Variants in PYHIN1 observed in about 807,000 individuals in gnomAD.
PYHIN1 encodes pyrin and HIN domain family member 1, also known as pyrin and HIN domain-containing protein 1.
A neutral mutation model predicts 43.7 loss-of-function variants in PYHIN1; 32 were observed. The observed-to-expected ratio is 0.73, with a 90% CI of 0.55 to 0.98. PYHIN1 has a LOEUF of 0.98. PYHIN1 is among the 50% of genes least tolerant of loss of function. PYHIN1 has a pLI of 0.00. For missense variants in PYHIN1, 588 were observed against 589.5 expected, an observed-to-expected ratio of 1.00 and a Z score of 0.03; for synonymous variants, 205 against 203.1, an observed-to-expected ratio of 1.01 and a Z score of -0.08.
intron 1 of PYHIN1, among the ~76,000 whole-genome samples, 171 bp from the exon 2 acceptor site, chr1:158,936,720 A>T (rs1011127329): frequency 1.3e-5 from 2 of 152,224 alleles, no homozygotes. Flanking sequence ...GCTATCTATG[A>T]CAAACCCACA....
chr1:158,950,587 C>T (rs1649473387), intron 7 of PYHIN1, among the ~76,000 whole-genome samples: 1 of 152,204 alleles, frequency 6.6e-6, no homozygotes, highest in South Asian at 2.1e-4. Flanking sequence ...TGACATCTTT[C>T]CATAAAACTG....
At chr1:158,935,172 C>G (rs1444271154) in intron 1 of PYHIN1, among the ~76,000 whole-genome samples, 1 of 151,352 alleles carries the variant, frequency 6.6e-6, no homozygotes, top group Non-Finnish European at 1.5e-5. Context: ...GAGAGGCAGT[C>G]AGATAGAGGA....
chr1:158,936,252 G>A (rs920903626), intron 1 of PYHIN1, among the ~76,000 whole-genome samples: 6 of 118,000 alleles, frequency 5.1e-5, no homozygotes, highest in South Asian at 2.7e-4. Flanking sequence ...GATGTTCCCC[G>A]TCCTGTGTCC....
chr1:158,982,751 A>G, the PYHIN1 span, among the ~76,000 whole-genome samples: 1 of 151,990 alleles, frequency 6.6e-6, no homozygotes, highest in African/African-American at 2.4e-5. Flanking sequence ...TTTTAACAAT[A>G]TTGATTCTTC....
intron 2 of PYHIN1, 46 bp from the exon 3 acceptor site, chr1:158,938,351 C>G (rs753247820): frequency 1.2e-6 from 2 of 1,604,260 alleles, no homozygotes; most frequent in African/African-American, 1.3e-5. Context: ...CGGGTGTCCC[C>G]GATCATCTGC....
chr1:158,989,561 T>A, the PYHIN1 span, among the ~76,000 whole-genome samples: 1 of 152,156 alleles, frequency 6.6e-6, no homozygotes, highest in African/African-American at 2.4e-5. Context: ...TATTTACAAG[T>A]GGAACATCAT....
chr1:158,965,537 CA>C (rs1376466666), intron 7 of PYHIN1, among the ~76,000 whole-genome samples: 1 of 152,020 alleles, frequency 6.6e-6, no homozygotes, highest in African/African-American at 2.4e-5. Flanking sequence ...AGAATCATAC[CA>C]ACCACCTTCT....
chr1:158,938,502 G>C lies in PYHIN1; in HGVS notation c.371G>C (p.Arg124Pro), dbSNP rs757825470. The C allele has an allele frequency of 1.2e-6, 2 of 1,614,038 alleles. No homozygotes were observed. The highest frequency in any genetic ancestry group is 1.7e-5 in the Admixed American group (1 of 59,996). ...PATPACTPSNRLTAKGAEETL... is the reference protein window; with the variant it reads ...PATPACTPSNPLTAKGAEETL... ...ACACCTGCATGCACCCCAAGCAACC[G>C]TCTCACAGCTAAAGGAGCAGAGGAG... is the stretch of plus-strand genomic sequence containing the variant. Residue 124 changes from arginine (R) to proline (P), a missense_variant, in exon 3 of 9, where the codon CGT becomes CCT. Arg to Pro is a moderately radical substitution (Grantham distance 103, BLOSUM62 -2). Coordinates refer to ENST00000368140, the MANE Select transcript of PYHIN1 (RefSeq NM_152501.5).
downstream of PYHIN1, chr1:158,977,157 A>G (rs1651325312): frequency 6.6e-6 from 1 of 152,416 alleles, no homozygotes; most frequent in African/African-American, 2.4e-5. Flanking sequence ...TATAGTTTGG[A>G]TGGGATCTTT....
chr1:158,934,020 T>C (rs778183144), intron 1 of PYHIN1, among the ~76,000 whole-genome samples: 4 of 152,168 alleles, frequency 2.6e-5, no homozygotes, highest in Non-Finnish European at 4.4e-5. Context: ...TATGTTTAAA[T>C]ATCACTTTGT....
At chr1:158,958,461 A>T (rs1231035752) in intron 7 of PYHIN1, among the ~76,000 whole-genome samples, 9 of 149,014 alleles carry the variant, frequency 6.0e-5, no homozygotes, top group African/African-American at 2.2e-4. Flanking sequence ...TTGTAGGGAC[A>T]TGGATGAAAT....
intron 8 of PYHIN1, among the ~76,000 whole-genome samples, chr1:158,974,906 A>G (rs1056711680): frequency 1.2e-4 from 19 of 152,090 alleles, no homozygotes; most frequent in African/African-American, 3.9e-4. Flanking sequence ...ACATCCCAGG[A>G]CAACATTCTG....
intron 2 of PYHIN1, 44 bp downstream of exon 2, chr1:158,937,219 C>G: frequency 6.6e-7 from 1 of 1,517,518 alleles, no homozygotes; most frequent in Non-Finnish European, 8.8e-7. Context: ...ATGATCCCCA[C>G]CCTTCCCAAC....
At chr1:158,940,085 G>T (rs967044715) in intron 4 of PYHIN1, 2 of 152,858 alleles carry the variant, frequency 1.3e-5, no homozygotes, top group Admixed American at 1.3e-4. Context: ...AATTAGCTGG[G>T]TATGGTGGCT....
intron 7 of PYHIN1, among the ~76,000 whole-genome samples, chr1:158,962,574 CA>C (rs1650384892): frequency 6.6e-6 from 1 of 152,182 alleles, no homozygotes; most frequent in African/African-American, 2.4e-5. Flanking sequence ...GCATTTGTCT[CA>C]GGAGAAAATC....
At chr1:158,952,101 T>C (rs1237963102) in intron 7 of PYHIN1, among the ~76,000 whole-genome samples, 3 of 144,242 alleles carry the variant, frequency 2.1e-5, no homozygotes, top group Non-Finnish European at 4.5e-5. Flanking sequence ...CGCTTTTGCC[T>C]GTGTCGGTTT....
intron 4 of PYHIN1, chr1:158,939,723 T>C: frequency 1.7e-6 from 1 of 582,070 alleles, no homozygotes; most frequent in Non-Finnish European, 3.1e-6. Flanking sequence ...TAGACCCCTG[T>C]AACAGGTTAA....
the PYHIN1 span, among the ~76,000 whole-genome samples, chr1:158,985,966 A>G: frequency 1.3e-5 from 2 of 152,104 alleles, no homozygotes; most frequent in African/African-American, 4.8e-5. Flanking sequence ...TTCCAATTAT[A>G]TTATGAAATT....
At chr1:158,975,319 T>A (rs539444670) in intron 8 of PYHIN1, among the ~76,000 whole-genome samples, 36 of 152,212 alleles carry the variant, frequency 2.4e-4, no homozygotes, top group African/African-American at 8.4e-4. Flanking sequence ...TTATTTTTCA[T>A]CTTTTGTCAT....
Sources: gnomAD v4.1 joint callset for allele counts (sites outside exome capture counted in the v4.1 genomes callset) on GRCh38, gnomAD v4.1.1 for gene constraint, MANE v1.5 for transcripts, NCBI Gene and HGNC (gene_info 2026-07-23, HGNC 2026-07-21) for gene names.